The following TC2N variants were observed in gnomAD, a reference collection of about 807,000 sequenced individuals.
TC2N encodes the protein tandem C2 domains nuclear protein.
TC2N carries 51 observed loss-of-function variants against 61.9 expected under a neutral mutation model. The observed-to-expected ratio is 0.82, with a 90% CI of 0.66 to 1.04. TC2N has a LOEUF of 1.04. Ranked by LOEUF, TC2N falls within the 50% of genes least tolerant of loss-of-function variation. TC2N has a pLI of 0.00. For missense variants in TC2N, 556 were observed against 566.7 expected, an observed-to-expected ratio of 0.98 and a Z score of 0.19; for synonymous variants, 204 against 192.6, an observed-to-expected ratio of 1.06 and a Z score of -0.49.
At chr14:91,857,728 C>T (rs183113577) in intron 1 of TC2N, among the ~76,000 whole-genome samples, 3 of 152,256 alleles carry the variant, frequency 2.0e-5, no homozygotes, top group East Asian at 3.9e-4. Flanking sequence ...GCAACAGATT[C>T]GCACTATGAT....
chr14:91,834,780 T>G (rs551647023), intron 1 of TC2N, among the ~76,000 whole-genome samples: 6 of 152,314 alleles, frequency 3.9e-5, no homozygotes, highest in African/African-American at 7.2e-5. Context: ...ATTTCCTCCT[T>G]TCCTGATGCT....
At chr14:91,855,701 T>C (rs1888469635) in intron 1 of TC2N, among the ~76,000 whole-genome samples, 1 of 152,242 alleles carries the variant, frequency 6.6e-6, no homozygotes, top group Admixed American at 6.5e-5. Flanking sequence ...GTGTTGTTTA[T>C]TTTTGTTTTT....
At chr14:91,861,812 G>A (rs1415986053) in intron 1 of TC2N, among the ~76,000 whole-genome samples, 1 of 152,158 alleles carries the variant, frequency 6.6e-6, no homozygotes, top group African/African-American at 2.4e-5. Flanking sequence ...GGAAGCTGAG[G>A]CAGAAGGATC....
rs8023211 is a variant in TC2N, at chr14:91,837,270, T to C, written c.-56-23445A>G. Among the ~76,000 whole-genome samples, 149,385 of 152,358 alleles carry C rather than the reference T, an allele frequency of 0.98. 73,316 individuals are homozygous for C. The highest frequency in any genetic ancestry group is 1 in the East Asian group (5,178 of 5,178). ...AGGTTCTGTCGCCCAGGCTGGAGTG[T>C]AGCGGTGCGCCCGTGGCTCAGTGCA... On this transcript the variant is annotated intron_variant, in intron 1 of 11. Transcript: ENST00000435962. This position sits in a 1 kb window ranked among gnomAD's most constrained non-coding sequence, Gnocchi z 4.2.
At position 91,781,110 on chromosome 14, in the gene TC2N, T is replaced by C. The variant is rs1885102674; in HGVS notation, c.*1990A>G. On this transcript the variant is annotated 3_prime_UTR_variant, in exon 12 of 12. Transcript: ENST00000435962. Reference sequence around the variant, plus strand: ...ATAATTAAATATTAAGTTAAATGCATGACTACATATATTAAATTTGGAAAT... The same window carrying C: ...ATAATTAAATATTAAGTTAAATGCACGACTACATATATTAAATTTGGAAAT... 1 of 152,220 alleles carries C rather than the reference T, an allele frequency of 6.6e-6. No individual in the cohort carries two copies. Among genetic ancestry groups the C allele is most frequent in the East Asian group, 1.9e-4 (1 of 5,190 alleles). The allele number at this position is 152,220 out of a possible 1,614,324, so 9.4% of individuals were successfully genotyped here.
intron 6 of TC2N, 51 bp downstream of exon 6, chr14:91,798,938 A>G (rs1315586736): frequency 8.3e-7 from 1 of 1,205,268 alleles, no homozygotes. Context: ...GTTACTACTG[A>G]GTAGAAATAA....
chr14:91,806,349 G>C (rs1299891514), intron 3 of TC2N, among the ~76,000 whole-genome samples: 1 of 152,212 alleles, frequency 6.6e-6, no homozygotes, highest in African/African-American at 2.4e-5. Context: ...ACAGGCAGAG[G>C]TTGGAACAGT....
chr14:91,811,293 A>T (rs1442306939), intron 3 of TC2N, among the ~76,000 whole-genome samples: 2 of 152,162 alleles, frequency 1.3e-5, no homozygotes, highest in African/African-American at 4.8e-5. Context: ...ATATTTGCTA[A>T]AGCAAGTATA....
At position 91,783,169 on chromosome 14, in the gene TC2N, G is replaced by A. The variant is rs192410774; in HGVS notation, c.1404C>T (p.Asn468=). ...GATTTATTACTGTCTCTTTCCACTG[G>A]TTCACTGCTTCAATGTTATTACTGT... ...SEDSNNIEAV[N]QWKETVINPE... is the part of the protein sequence containing the mutation. The change falls in exon 12 of 12, where the codon AAC becomes AAT. Residue 468 remains asparagine, a synonymous_variant. Transcript: ENST00000435962. 74 of 1,611,444 alleles carry A rather than the reference G, an allele frequency of 4.6e-5. No homozygotes were observed. The East Asian group carries it at 1.3e-3, about 28-fold the overall frequency.
chr14:91,833,028 G>A (rs1887853118), intron 1 of TC2N, among the ~76,000 whole-genome samples: 1 of 152,192 alleles, frequency 6.6e-6, no homozygotes, highest in African/African-American at 2.4e-5. Flanking sequence ...ACAACACAGT[G>A]TTTGGAATGC....
At chr14:91,865,726 A>G (rs930014697) in intron 1 of TC2N, among the ~76,000 whole-genome samples, 6 of 152,178 alleles carry the variant, frequency 3.9e-5, no homozygotes, top group African/African-American at 1.4e-4. Flanking sequence ...ATGTCTATAA[A>G]TTTTCATAAG....
At chr14:91,806,467 C>T (rs181173972) in intron 3 of TC2N, among the ~76,000 whole-genome samples, 109 of 152,240 alleles carry the variant, frequency 7.2e-4, no homozygotes, top group Middle Eastern at 3.4e-3. Context: ...ACAATGAAAT[C>T]CAGGCCAAGG....
intron 1 of TC2N, among the ~76,000 whole-genome samples, chr14:91,865,970 T>C (rs1302941357): frequency 6.6e-6 from 1 of 152,184 alleles, no homozygotes; most frequent in Admixed American, 6.5e-5. Context: ...ATTAAAAAGG[T>C]GTTATTATAA....
intron 1 of TC2N, among the ~76,000 whole-genome samples, chr14:91,848,369 G>A (rs1888309172): frequency 6.6e-6 from 1 of 152,184 alleles, no homozygotes; most frequent in African/African-American, 2.4e-5. Flanking sequence ...AGCCAGTCGA[G>A]GGTCTAGCAT....
intron 1 of TC2N, among the ~76,000 whole-genome samples, chr14:91,856,658 G>A (rs575577884): frequency 6.6e-6 from 1 of 152,220 alleles, no homozygotes; most frequent in Non-Finnish European, 1.5e-5. Context: ...AAAGCCCAGA[G>A]TGCCATATGG....
rs757087108 is a variant in TC2N, at chr14:91,798,420, G to T, written c.638-21C>A. 6.6e-6 allele frequency: 9 copies of T among 1,361,864 alleles called. No homozygotes were observed. The Admixed American group carries it at 7.9e-5, about 12-fold the overall frequency. The allele number at this position is 1,361,864 out of a possible 1,614,324, so 84.4% of individuals were successfully genotyped here. ...TGTATCTGAATTATAAAAGGACAAA[G>T]ATGTTTCAAATGCCATGCAATCCTT... On this transcript the variant is annotated intron_variant, in intron 6 of 11. Transcript: ENST00000435962.
intron 5 of TC2N, 38 bp from the exon 6 acceptor site, chr14:91,799,102 T>G: frequency 7.2e-7 from 1 of 1,386,038 alleles, no homozygotes; most frequent in Non-Finnish European, 1.0e-6. Flanking sequence ...AAATTGCATA[T>G]GAAACCTTAA....
At chr14:91,858,112 TGCACCACTA>T (rs1260441707) in intron 1 of TC2N, among the ~76,000 whole-genome samples, 1 of 150,990 alleles carries the variant, frequency 6.6e-6, no homozygotes, top group Non-Finnish European at 1.5e-5. Flanking sequence ...ACCACAGGCA[TGCACCACTA>T]TGCTTGGCTG....
chr14:91,808,433 TTC>T (rs1886617874), intron 3 of TC2N, among the ~76,000 whole-genome samples: 1 of 152,208 alleles, frequency 6.6e-6, no homozygotes, highest in African/African-American at 2.4e-5. Flanking sequence ...TGTTAAATGA[TTC>T]CTGACTGTGC....
Sources: allele counts gnomAD v4.1 joint callset (sites outside exome capture counted in the v4.1 genomes callset), GRCh38; gene constraint gnomAD v4.1.1; non-coding constraint Gnocchi (gnomAD v3.1); transcripts MANE v1.5; gene names NCBI Gene and HGNC (gene_info 2026-07-23, HGNC 2026-07-21).